PTPRH: variants seen among roughly 807,000 people sequenced by gnomAD.
PTPRH encodes receptor-type tyrosine-protein phosphatase H.
PTPRH carries 113 observed loss-of-function variants against 130.2 expected under a neutral mutation model. The observed-to-expected ratio is 0.87, with a 90% CI of 0.75 to 1.01. PTPRH has a LOEUF of 1.01. Among genes scored for constraint, PTPRH ranks in the 50% least tolerant of loss-of-function variants. The pLI is 0.00. For missense variants in PTPRH, 1,430 were observed against 1,425.0 expected, an observed-to-expected ratio of 1.00 and a Z score of -0.06; for synonymous variants, 556 against 577.9, an observed-to-expected ratio of 0.96 and a Z score of 0.54.
chr19:55,205,280 G>T lies in PTPRH; in HGVS notation c.619+46C>A, dbSNP rs370321538. 5 of 1,609,390 alleles carry T rather than the reference G, an allele frequency of 3.1e-6. No individual in the cohort carries two copies. The African/African-American group carries it at 4.0e-5, about 13-fold the overall frequency. On this transcript the variant is annotated intron_variant, in intron 4 of 19. Transcript: ENST00000376350. ...AATCCGCTACGTTCTCCTGCCTACT[G>T]CCCCTTAAACAAGTAAGAGCAAAAC...
At chr19:55,195,501 A>T (rs1197794939) in intron 10 of PTPRH, among the ~76,000 whole-genome samples, 2 of 152,156 alleles carry the variant, frequency 1.3e-5, no homozygotes, top group Non-Finnish European at 2.9e-5. Flanking sequence ...GTCTCAAAAC[A>T]AAAACAAAAA....
At chr19:55,187,456 G>T in intron 14 of PTPRH, 57 bp downstream of exon 14, 1 of 1,429,822 alleles carries the variant, frequency 7.0e-7, no homozygotes, top group South Asian at 1.2e-5. Flanking sequence ...AGGGGACTGG[G>T]GTGGGGTGCC....
Position 55,182,038 on chromosome 19 carries a change from C to G in PTPRH, c.3176G>C (p.Arg1059Pro), listed in dbSNP as rs145661468. 26 of 1,613,972 alleles carry G rather than the reference C, an allele frequency of 1.6e-5. No individual in the cohort carries two copies. The African/African-American group carries it at 2.0e-4, about 12-fold the overall frequency. The change falls in exon 19 of 20, where the codon CGG becomes CCG. Residue 1059 changes from arginine (R) to proline (P), a missense_variant. Physicochemically the swap from Arg to Pro is moderately radical, Grantham distance 103 (BLOSUM62 -2). Coordinates refer to ENST00000376350, the MANE Select transcript of PTPRH (RefSeq NM_002842.5). ...CACCTCAGTCTGCACCATCAACGGC[C>G]GACTCTCTCTCATCTTCCTTACAAA... ...FSFVRKMRESRPLMVQTEAQY... is the reference protein window; with the variant it reads ...FSFVRKMRESPPLMVQTEAQY...
At chr19:55,183,330 G>C (rs780416114) in intron 18 of PTPRH, among the ~76,000 whole-genome samples, 67 of 151,684 alleles carry the variant, frequency 4.4e-4, no homozygotes, top group Non-Finnish European at 8.1e-4. Context: ...CTTGAACCCG[G>C]GAGGCGGAGA....
intron 1 of PTPRH, 114 bp from the exon 2 acceptor site, chr19:55,207,313 G>A: frequency 8.5e-7 from 1 of 1,178,886 alleles, no homozygotes; most frequent in Non-Finnish European, 1.2e-6. Flanking sequence ...CCTTGCATGG[G>A]AAGGAGGGGC....
chr19:55,181,971 T>C, intron 19 of PTPRH, 45 bp downstream of exon 19: 1 of 1,613,576 alleles, frequency 6.2e-7, no homozygotes. Flanking sequence ...CCAGGGTCCC[T>C]CGTCCCACTG....
rs180774594 is a variant in PTPRH at position 55,195,337 on chromosome 19, A to G, written c.2257+1185T>C. On this transcript the variant is annotated intron_variant, in intron 10 of 19. Coordinates refer to ENST00000376350, the MANE Select transcript of PTPRH (RefSeq NM_002842.5). The stretch of plus-strand genomic sequence containing the variant: ...TGAAACTCCGCCTCAAAAAATAAAA[A>G]ATAAAAAATAAAAAGTTAGCCAAGC... 1.6e-3 allele frequency among the ~76,000 whole-genome samples: 245 copies of G among 151,816 alleles called. 3 individuals are homozygous for G. Among genetic ancestry groups the G allele is most frequent in the African/African-American group, 5.6e-3 (230 of 41,404 alleles).
chr19:55,196,506 G>A lies in PTPRH; in HGVS notation c.2257+16C>T, dbSNP rs187833829. ...GAATTTCATCATAGCTGGCTGGCCC[G>A]CGCGGCTCCGCTCACCTGCACTCTC... On this transcript the variant is annotated intron_variant, in intron 10 of 19. Coordinates refer to ENST00000376350, the MANE Select transcript of PTPRH (RefSeq NM_002842.5). 1.4e-5 allele frequency: 23 copies of A among 1,600,854 alleles called. No individual in the cohort carries two copies. The highest frequency in any genetic ancestry group is 1.3e-4 in the East Asian group (6 of 44,598).
At chr19:55,191,874 T>A in intron 10 of PTPRH, 133 bp from the exon 11 acceptor site, 1 of 815,456 alleles carries the variant, frequency 1.2e-6, no homozygotes, top group Non-Finnish European at 2.1e-6. Context: ...TCACACGGTG[T>A]GAATTGCGTC....
Position 55,200,457 on chromosome 19 carries a change from C to T in PTPRH, c.1199G>A (p.Ser400Asn). The change falls in exon 7 of 20, where the codon AGC becomes AAC. Residue 400 changes from serine to asparagine, a missense_variant. Physicochemically the swap from Ser to Asn is conservative, Grantham distance 46. Coordinates refer to ENST00000376350, the MANE Select transcript of PTPRH (RefSeq NM_002842.5). ...GACTTCCCAGCATAGGGCGATGGAG[C>T]TGTTGGTCTGAGTCTCCATATGGAG... ...RNLHMETQTN[S>N]SIALCWEVPD... 6.2e-7 allele frequency: 1 copy of T among 1,614,056 alleles called. No individual in the cohort carries two copies. The highest frequency in any genetic ancestry group is 2.2e-5 in the East Asian group (1 of 44,830).
intron 5 of PTPRH, among the ~76,000 whole-genome samples, chr19:55,202,605 A>ACT (rs530856144): frequency 0.046 from 6,930 of 152,170 alleles, 165 homozygotes; most frequent in Middle Eastern, 0.065. Context: ...ACACACACAC[A>ACT]CACACATATA....
chr19:55,206,611 G>T (rs147662374), intron 3 of PTPRH, 78 bp downstream of exon 3: 3 of 1,365,774 alleles, frequency 2.2e-6, no homozygotes, highest in East Asian at 4.8e-5. Context: ...AGAACCTGTC[G>T]CATTTTGTCA....
intron 6 of PTPRH, 136 bp downstream of exon 6, chr19:55,201,920 A>G: frequency 7.4e-7 from 1 of 1,359,906 alleles, no homozygotes; most frequent in Non-Finnish European, 1.0e-6. Context: ...CTGAGCTGAG[A>G]CTGCCCCAGG....
chr19:55,189,945 G>A (rs2086476973), intron 12 of PTPRH: 19 of 336,038 alleles, frequency 5.7e-5, no homozygotes, highest in South Asian at 4.1e-4. Flanking sequence ...AGTGAGCTAT[G>A]ATTGCGCCAC....
intron 18 of PTPRH, among the ~76,000 whole-genome samples, chr19:55,184,584 C>T (rs947435431): frequency 1.3e-5 from 2 of 151,548 alleles, no homozygotes; most frequent in African/African-American, 4.8e-5. Context: ...GTCAGGAGTT[C>T]GAGACCAGCC....
rs759009318 is a variant in PTPRH, at chr19:55,181,888, G to A, written c.3214C>T (p.Leu1072=). The A allele has an allele frequency of 6.2e-7, 1 of 1,614,234 alleles. No individual in the cohort carries two copies. The highest frequency in any genetic ancestry group is 1.1e-5 in the South Asian group (1 of 91,090). ...AGGAACCGCAGGATGCACTGATGCAGGAATACGTACTGAGCCTGGGAAGCA... is the reference window on the plus strand; with the variant it reads ...AGGAACCGCAGGATGCACTGATGCAAGAATACGTACTGAGCCTGGGAAGCA... ...MVQTEAQYVF[L]HQCILRFLQQ... The change falls in exon 20 of 20, where the codon CTG becomes TTG. Residue 1072 remains leucine, a synonymous_variant. Coordinates refer to ENST00000376350, the MANE Select transcript of PTPRH (RefSeq NM_002842.5).
rs760001735 is a variant in PTPRH at position 55,205,460 on chromosome 19, C to T, written c.485G>A (p.Arg162Lys). 1 of 1,614,208 alleles carries T rather than the reference C, an allele frequency of 6.2e-7. No homozygotes were observed. The highest frequency in any genetic ancestry group is 1.7e-5 in the Admixed American group (1 of 60,018). ...YGVEYTGDGG[R>K]AGTRSTAHTN... The stretch of plus-strand genomic sequence containing the variant: ...GTGTGCTGTGCTTCGAGTCCCTGCT[C>T]TGCCACCATCTCCAGTGTACTCAAC... The change falls in exon 4 of 20, where the codon AGA becomes AAA. Residue 162 changes from arginine (R) to lysine (K), a missense_variant. Arg to Lys is a conservative substitution (Grantham distance 26). Coordinates refer to ENST00000376350, the MANE Select transcript of PTPRH (RefSeq NM_002842.5).
chr19:55,205,211 A>C, intron 4 of PTPRH, 115 bp downstream of exon 4: 1 of 1,491,352 alleles, frequency 6.7e-7, no homozygotes, highest in Non-Finnish European at 9.1e-7. Context: ...GGATGTGGAC[A>C]TGAGTACCTG....
rs1033203275 is a variant in PTPRH, at chr19:55,197,059, C to G, written c.1990+58G>C. 6.3e-6 allele frequency: 10 copies of G among 1,578,540 alleles called. No individual in the cohort carries two copies. In the Admixed American group the frequency reaches 1.7e-4, roughly 27 times the overall value. On this transcript the variant is annotated intron_variant, in intron 9 of 19. Coordinates refer to ENST00000376350, the MANE Select transcript of PTPRH (RefSeq NM_002842.5). Reference sequence around the variant, plus strand: ...TTTGTATTCCATTCATCTCTCAGCTCGCAAGGACTGTGAGCTAAGCCCAGT... The same window carrying G: ...TTTGTATTCCATTCATCTCTCAGCTGGCAAGGACTGTGAGCTAAGCCCAGT...
Sources: allele counts gnomAD v4.1 joint callset (sites outside exome capture counted in the v4.1 genomes callset), GRCh38; gene constraint gnomAD v4.1.1; transcripts MANE v1.5; gene names NCBI Gene and HGNC (gene_info 2026-07-23, HGNC 2026-07-21).